GAK: variants seen among roughly 807,000 people sequenced by gnomAD.
GAK encodes cyclin G associated kinase, also known as cyclin-G-associated kinase.
In GAK, 79 loss-of-function variants were observed where a neutral mutation model predicts 143.9. The observed-to-expected ratio is 0.55, with a 90% CI of 0.46 to 0.66. GAK has a LOEUF of 0.66. GAK is among the 30% of genes least tolerant of loss of function. The pLI, the probability that GAK is intolerant of heterozygous loss-of-function variation, is 0.00. For missense variants in GAK, 1,693 were observed against 1,779.7 expected, an observed-to-expected ratio of 0.95 and a Z score of 0.88; for synonymous variants, 881 against 765.5, an observed-to-expected ratio of 1.15 and a Z score of -2.49.
intron 24 of GAK, among the ~76,000 whole-genome samples, chr4:854,650 A>G (rs1748805186): frequency 6.6e-6 from 1 of 152,172 alleles, no homozygotes; most frequent in Non-Finnish European, 1.5e-5. Context: ...CTCTCCACAG[A>G]CGCGTCTGTC....
intron 13 of GAK, 51 bp from the exon 14 acceptor site, chr4:882,870 C>A: frequency 6.3e-7 from 1 of 1,589,956 alleles, no homozygotes; most frequent in Non-Finnish European, 8.5e-7. Context: ...CCCGCCCCAG[C>A]CTTGGTCAGC....
intron 8 of GAK, 135 bp from the exon 9 acceptor site, chr4:893,624 C>T (rs1397311565): frequency 1.5e-5 from 11 of 718,840 alleles, no homozygotes; most frequent in South Asian, 4.3e-5. Context: ...AAGAAGGGAG[C>T]GGCAAAGGGA....
chr4:849,651 C>G lies in GAK; in HGVS notation c.*22G>C, dbSNP rs577581238. 1.3e-6 allele frequency: 2 copies of G among 1,581,208 alleles called. No individual in the cohort carries two copies. The highest frequency in any genetic ancestry group is 1.3e-5 in the African/African-American group (1 of 74,480). ...GGCTCCCAACCTGTGGAGCTGTGTG[C>G]GCAGCCACCACCACTGCGGCCTCAG... is the stretch of plus-strand genomic sequence containing the variant. On this transcript the variant is annotated 3_prime_UTR_variant, in exon 28 of 28. Transcript: ENST00000314167.
intron 23 of GAK, among the ~76,000 whole-genome samples, chr4:861,115 C>G (rs1041992937): frequency 7.9e-5 from 12 of 152,152 alleles, no homozygotes; most frequent in Non-Finnish European, 1.0e-4. Context: ...CTCCACAGAC[C>G]AGCCACTCCC....
At chr4:916,943 T>A (rs1158464636) in intron 1 of GAK, among the ~76,000 whole-genome samples, 1 of 152,154 alleles carries the variant, frequency 6.6e-6, no homozygotes, top group Non-Finnish European at 1.5e-5. Flanking sequence ...CAAATGTCCA[T>A]CAACAGGTGA....
intron 22 of GAK, among the ~76,000 whole-genome samples, chr4:866,032 T>C (rs1751105365): frequency 6.6e-6 from 1 of 152,264 alleles, no homozygotes; most frequent in African/African-American, 2.4e-5. Context: ...ACACAAGCTC[T>C]GGGTGCAGGT....
chr4:910,010 G>A (rs1721765170), intron 4 of GAK, among the ~76,000 whole-genome samples: 1 of 152,050 alleles, frequency 6.6e-6, no homozygotes, highest in African/African-American at 2.4e-5. Context: ...GGCAACAGGC[G>A]CTGGAGGGCC....
intron 1 of GAK, among the ~76,000 whole-genome samples, chr4:918,773 T>C (rs1306471513): frequency 3.3e-5 from 5 of 150,894 alleles, no homozygotes; most frequent in Non-Finnish European, 7.4e-5. Context: ...CCCCATGACC[T>C]TAGAAAGGCA....
Position 851,186 on chromosome 4 carries a change from C to T in GAK, c.3509-102G>A. The T allele has an allele frequency of 2.9e-6, 3 of 1,029,664 alleles. No homozygotes were observed. In the South Asian group the frequency reaches 4.7e-5, roughly 16 times the overall value. 63.8% of individuals were successfully genotyped at this position (1,029,664 alleles called of 1,614,324 possible). On this transcript the variant is annotated intron_variant, in intron 25 of 27. Transcript: ENST00000314167. ...GATCTCAGCTCTCTGCAGCCTTTGC[C>T]TCCCGGCCTCAAGCGATCCTCTTGC...
intron 3 of GAK, 38 bp downstream of exon 3, chr4:912,687 TGCCTGCCAAA>T: frequency 6.7e-7 from 1 of 1,491,166 alleles, no homozygotes; most frequent in South Asian, 1.1e-5. Context: ...CGCAGGCCTG[TGCCTGCCAAA>T]GCCACCGTGC....
Position 856,385 on chromosome 4 carries a change from TCACACCTGCTCACCAC to T in GAK, c.3283+3205_3283+3220del, listed in dbSNP as rs1368610471. 4.7e-4 allele frequency among the ~76,000 whole-genome samples: 36 copies of T among 76,248 alleles called. 1 individual carries two copies. The Middle Eastern group carries it at 0.023, about 49-fold the overall frequency. The allele number at this position is 76,248 out of a possible 152,430, so 50.0% of individuals were successfully genotyped here. A position where few individuals can be genotyped will look rare whatever the true frequency, so the allele number is the denominator to read the frequency against. On this transcript the variant is annotated intron_variant, in intron 24 of 27. Coordinates refer to ENST00000314167, the MANE Select transcript of GAK (RefSeq NM_005255.4). ...CACCACAGCTGCTCACCACAGCTGC[TCACACCTGCTCACCAC>T]CACAGCTGCTCACCACAGCTGCTCA...
rs1158329565 is a variant in GAK, at chr4:893,461, C to T, written c.906G>A (p.Glu302=). Residue 302 remains glutamate (E), a synonymous_variant, in exon 9 of 28, where the codon GAG becomes GAA. Transcript: ENST00000314167. ...IRAMLQVNPE[E]RLSIAEVVHQ... is the part of the protein sequence containing the mutation. ...GCACCACCTCGGCGATGGACAGCCG[C>T]TCCTCCGGGTTCACCTGCAGCATGG... The T allele has an allele frequency of 1.3e-6, 2 of 1,586,976 alleles. No individual in the cohort carries two copies. The highest frequency in any genetic ancestry group is 2.7e-5 in the African/African-American group (2 of 73,782).
chr4:893,185 G>A (rs536870525), intron 9 of GAK, among the ~76,000 whole-genome samples, 192 bp downstream of exon 9: 8 of 151,636 alleles, frequency 5.3e-5, no homozygotes, highest in Non-Finnish European at 7.4e-5. Context: ...TCCCCTCTGC[G>A]GGGGATCTGG....
At chr4:865,775 T>C (rs1577074722) in intron 22 of GAK, among the ~76,000 whole-genome samples, 1 of 152,342 alleles carries the variant, frequency 6.6e-6, no homozygotes, top group East Asian at 1.9e-4. Flanking sequence ...GAGTACGCCG[T>C]GGACCACGCT....
At chr4:877,508 T>C in intron 16 of GAK, 107 bp downstream of exon 16, 2 of 1,187,904 alleles carry the variant, frequency 1.7e-6, no homozygotes, top group Non-Finnish European at 2.3e-6. Context: ...TCCAAACACG[T>C]CCGCCTCAGC....
chr4:889,017 C>T (rs761884272), intron 10 of GAK, 47 bp from the exon 11 acceptor site: 3 of 1,567,436 alleles, frequency 1.9e-6, no homozygotes, highest in Admixed American at 1.8e-5. Context: ...TCGGTCCCAC[C>T]TCCCCAGGTG....
chr4:858,999 G>A (rs1749780823), intron 24 of GAK, among the ~76,000 whole-genome samples: 1 of 152,250 alleles, frequency 6.6e-6, no homozygotes, highest in South Asian at 2.1e-4. Flanking sequence ...GGCCCCTTCA[G>A]ATGATCATCC....
chr4:913,655 A>T lies in GAK; in HGVS notation c.159T>A (p.Phe53Leu). Residue 53 changes from phenylalanine to leucine, a missense_variant, in exon 2 of 28, where the codon TTT becomes TTA. This residue lies in a region of GAK where 871 missense variants were observed against 991.0 expected (regional missense o/e 0.88). Coordinates refer to ENST00000314167, the MANE Select transcript of GAK (RefSeq NM_005255.4). ...TCCCCACATCTTGAGCTTCATACAC[A>T]AATGCAAACCCTCCTGAAAATTAAA... ...RRVLAEGGFA[F>L]VYEAQDVGSG... 1 of 1,613,456 alleles carries T rather than the reference A, an allele frequency of 6.2e-7. No homozygotes were observed. The highest frequency in any genetic ancestry group is 8.5e-7 in the Non-Finnish European group (1 of 1,179,414).
At chr4:896,380 C>CT in intron 7 of GAK, 80 bp downstream of exon 7, 1 of 1,029,666 alleles carries the variant, frequency 9.7e-7, no homozygotes, top group Non-Finnish European at 1.4e-6. Flanking sequence ...TTCCGAGTGG[C>CT]AGGTGCCCGG....
Sources: gnomAD v4.1 joint callset for allele counts (sites outside exome capture counted in the v4.1 genomes callset) on GRCh38, gnomAD v4.1.1 for gene constraint, gnomAD v4.1.1 regional missense constraint, MANE v1.5 for transcripts, NCBI Gene and HGNC (gene_info 2026-07-23, HGNC 2026-07-21) for gene names.